The following RXRA variants were observed in gnomAD, a reference collection of about 807,000 sequenced individuals.
The protein encoded by RXRA is retinoic acid receptor RXR-alpha.
A neutral mutation model predicts 44.5 loss-of-function variants in RXRA; 5 were observed. That is an observed-to-expected ratio of 0.11 (90% CI 0.06 to 0.24). RXRA has a LOEUF of 0.24. Among genes scored for constraint, RXRA ranks in the 10% least tolerant of loss-of-function variants. RXRA has a pLI of 1.00. For synonymous variants in RXRA, 291 were observed against 271.4 expected (o/e 1.07, Z -0.71); for missense variants, 412 against 646.5 (o/e 0.64, Z 3.93).
chr9:134,420,920 G>A (rs901681189), intron 5 of RXRA, among the ~76,000 whole-genome samples: 4 of 152,192 alleles, frequency 2.6e-5, no homozygotes, highest in Admixed American at 2.0e-4. Flanking sequence ...CTCTCTCTGT[G>A]CCTGGGGCCT....
intron 1 of RXRA, among the ~76,000 whole-genome samples, chr9:134,367,119 C>T (rs1830424033): frequency 6.6e-6 from 1 of 152,200 alleles, no homozygotes; most frequent in Non-Finnish European, 1.5e-5. Flanking sequence ...ACAGCCACCA[C>T]CACAGCCAGC....
At chr9:134,382,047 C>T (rs1481488016) in intron 1 of RXRA, among the ~76,000 whole-genome samples, 4 of 152,158 alleles carry the variant, frequency 2.6e-5, no homozygotes, top group Non-Finnish European at 5.9e-5. Flanking sequence ...GAGAGGCCAG[C>T]GGGCCAGCTG....
intron 6 of RXRA, chr9:134,424,785 C>T (rs1831405618): frequency 4.1e-6 from 4 of 985,458 alleles, no homozygotes; most frequent in South Asian, 4.7e-5. Flanking sequence ...AGGACTCTGT[C>T]CCCCTCCAGG....
chr9:134,339,637 G>A (rs574514664), intron 1 of RXRA, among the ~76,000 whole-genome samples: 3 of 150,924 alleles, frequency 2.0e-5, no homozygotes, highest in African/African-American at 7.3e-5. Flanking sequence ...GTGTGAGCCT[G>A]TGCGTGTGTC....
chr9:134,432,126 T>G, intron 8 of RXRA, 130 bp downstream of exon 8: 1 of 646,988 alleles, frequency 1.5e-6, no homozygotes. Context: ...TTGAGCTCAG[T>G]GTGCCCCCCT....
intron 1 of RXRA, among the ~76,000 whole-genome samples, chr9:134,391,321 A>G (rs1830796148): frequency 6.6e-6 from 1 of 152,210 alleles, no homozygotes; most frequent in East Asian, 1.9e-4. Context: ...GAAGGTGGAG[A>G]CGAGAGCCGC....
At chr9:134,425,351 C>G in intron 6 of RXRA, 1 of 985,162 alleles carries the variant, frequency 1.0e-6, no homozygotes, top group African/African-American at 1.7e-5. Context: ...TGGGTCACAC[C>G]CTGACCCTTG....
At chr9:134,340,843 A>G (rs534003778) in intron 1 of RXRA, among the ~76,000 whole-genome samples, 292 of 152,268 alleles carry the variant, frequency 1.9e-3, no homozygotes, top group Non-Finnish European at 3.0e-3. Context: ...AGCTGAGCCA[A>G]TCCTGAAGCC....
intron 1 of RXRA, 95 bp from the exon 2 acceptor site, chr9:134,401,537 G>T (rs1464082505): frequency 3.8e-6 from 6 of 1,580,404 alleles, no homozygotes; most frequent in South Asian, 1.1e-5. Context: ...GGGTCTTCCC[G>T]CAGGTGCGTG....
At chr9:134,385,519 C>CACGCCCCCACAGG (rs1830706224) in intron 1 of RXRA, among the ~76,000 whole-genome samples, 1 of 152,222 alleles carries the variant, frequency 6.6e-6, no homozygotes, top group Non-Finnish European at 1.5e-5. Context: ...CTGCGTCCCC[C>CACGCCCCCACAGG]ACGCCCCCAC....
intron 1 of RXRA, among the ~76,000 whole-genome samples, chr9:134,374,336 CTGG>C (rs560563242): frequency 6.4e-4 from 97 of 152,356 alleles, no homozygotes; most frequent in African/African-American, 2.3e-3. Flanking sequence ...AAAGGCCAAC[CTGG>C]TGGTCACTGC....
chr9:134,391,236 G>T (rs1830794918), intron 1 of RXRA, among the ~76,000 whole-genome samples: 1 of 152,048 alleles, frequency 6.6e-6, no homozygotes, highest in Non-Finnish European at 1.5e-5. Flanking sequence ...CTCTGGCATG[G>T]AGCTGGCCAC....
chr9:134,435,271 C>T (rs877955), intron 9 of RXRA, among the ~76,000 whole-genome samples: 3 of 152,322 alleles, frequency 2.0e-5, no homozygotes, highest in South Asian at 2.1e-4. Flanking sequence ...TGGGCAGACA[C>T]GGCCAGCCGG....
intron 1 of RXRA, among the ~76,000 whole-genome samples, chr9:134,354,441 C>T (rs549179321): frequency 1.8e-4 from 27 of 152,322 alleles, no homozygotes; most frequent in Middle Eastern, 6.8e-3. Flanking sequence ...TGAACTCACC[C>T]GGGTTGGAGC....
intron 1 of RXRA, among the ~76,000 whole-genome samples, chr9:134,371,280 C>T (rs934548666): frequency 5.3e-5 from 8 of 152,180 alleles, no homozygotes; most frequent in Admixed American, 2.0e-4. Context: ...CCCCCCCAGG[C>T]CTCTGTGTCC....
rs1831574962 is a variant in RXRA at position 134,434,039 on chromosome 9, T to TG, written c.1136-58dup. 23 of 1,294,272 alleles carry TG rather than the reference T, an allele frequency of 1.8e-5. No homozygotes were observed. In the South Asian group the frequency reaches 2.6e-4, roughly 15 times the overall value. The allele number at this position is 1,294,272 out of a possible 1,614,324, so 80.2% of individuals were successfully genotyped here. On this transcript the variant is annotated intron_variant, in intron 8 of 9. Transcript: ENST00000481739. ...GGAGACCCCACACAAGCCTGGGTCC[T>TG]GGGGGCAGGTGCCCGAGACACGCCC... is the stretch of plus-strand genomic sequence containing the variant.
At chr9:134,427,593 G>T (rs1393181516) in intron 6 of RXRA, among the ~76,000 whole-genome samples, 2 of 152,208 alleles carry the variant, frequency 1.3e-5, no homozygotes, top group Non-Finnish European at 2.9e-5. Context: ...CGGCCTCGGG[G>T]GTGGGAACTC....
chr9:134,357,190 GC>G (rs1830293761), intron 1 of RXRA, among the ~76,000 whole-genome samples: 1 of 152,248 alleles, frequency 6.6e-6, no homozygotes, highest in Non-Finnish European at 1.5e-5. Context: ...AGTTGCCCAG[GC>G]ACTGAGGCGT....
intron 1 of RXRA, among the ~76,000 whole-genome samples, chr9:134,333,195 G>A (rs1372373256): frequency 1.3e-5 from 2 of 152,186 alleles, no homozygotes; most frequent in African/African-American, 4.8e-5. Context: ...GCCTCTCAGG[G>A]TCTCTGTGTG....
Sources: allele counts gnomAD v4.1 joint callset (sites outside exome capture counted in the v4.1 genomes callset), GRCh38; gene constraint gnomAD v4.1.1; transcripts MANE v1.5; gene names NCBI Gene and HGNC (gene_info 2026-07-23, HGNC 2026-07-21).